The following SHANK1 variants were observed in gnomAD, a reference collection of about 807,000 sequenced individuals.
SHANK1 encodes SH3 and multiple ankyrin repeat domains protein 1.
SHANK1 carries 35 observed loss-of-function variants against 165.6 expected under a neutral mutation model. The ratio of observed to expected loss-of-function variants is 0.21; its 90% CI spans 0.16 to 0.28. The LOEUF (loss-of-function observed/expected upper bound fraction) is 0.28, where lower values mean the gene tolerates loss of function less well. Among genes scored for constraint, SHANK1 ranks in the 10% least tolerant of loss-of-function variants. The pLI is 1.00. For synonymous variants in SHANK1, 1,428 were observed against 1,384.8 expected (o/e 1.03, Z -0.69); for missense variants, 2,681 against 3,036.4 (o/e 0.88, Z 2.75).
In SHANK1 at chr19:50,662,729, G is replaced by A. The variant is rs1167331291; in HGVS notation, c.5769-47C>T. The A allele has an allele frequency of 3.3e-6, 5 of 1,507,032 alleles. No individual in the cohort carries two copies. Among genetic ancestry groups the A allele is most frequent in the East Asian group, 2.7e-5 (1 of 37,716 alleles). The allele number at this position is 1,507,032 out of a possible 1,614,324, so 93.4% of individuals were successfully genotyped here. A position where few individuals can be genotyped will look rare whatever the true frequency, so the allele number is the denominator to read the frequency against. ...GTGGGGGAGGACAGGGATTTAGGGG[G>A]CAAGGGCAGGGGTGAGAAAGAGGCA... On this transcript the variant is annotated intron_variant, in intron 23 of 23. Transcript: ENST00000293441. This position sits in a 1 kb window ranked among gnomAD's most constrained non-coding sequence, Gnocchi z 7.7.
In SHANK1 at chr19:50,686,174, G is replaced by T. The variant is rs534604138; in HGVS notation, c.2577+63C>A. The stretch of plus-strand genomic sequence containing the variant: ...TCAGGAGGGTTTTGGAAAGAGAAAG[G>T]CTCCAGGTTGGTGTGTGAACCGCCT... On this transcript the variant is annotated intron_variant, in intron 21 of 23. Transcript: ENST00000293441. This position sits in a 1 kb window ranked among gnomAD's most constrained non-coding sequence, Gnocchi z 5.7. 3.2e-6 allele frequency: 3 copies of T among 945,962 alleles called. No homozygotes were observed. The highest frequency in any genetic ancestry group is 4.8e-6 in the Non-Finnish European group (3 of 619,448). 58.6% of individuals were successfully genotyped at this position (945,962 alleles called of 1,614,324 possible). A position where few individuals can be genotyped will look rare whatever the true frequency, so the allele number is the denominator to read the frequency against.
chr19:50,715,289 G>A (rs926267304), intron 4 of SHANK1, among the ~76,000 whole-genome samples: 1 of 152,094 alleles, frequency 6.6e-6, no homozygotes, highest in Non-Finnish European at 1.5e-5. Flanking sequence ...ACTCTAGGCA[G>A]AAGGACCTTC....
intron 21 of SHANK1, among the ~76,000 whole-genome samples, chr19:50,677,587 T>C (rs373834730): frequency 8.4e-4 from 128 of 152,324 alleles, no homozygotes; most frequent in South Asian, 3.7e-3. Flanking sequence ...ACTGATTCAC[T>C]CTTATACCTT....
rs1462971313 is a variant in SHANK1 at position 50,670,219 on chromosome 19, G to A, written c.2675-934C>T. Among the ~76,000 whole-genome samples the A allele has an allele frequency of 6.6e-6, 1 of 152,122 alleles. No individual in the cohort carries two copies. The highest frequency in any genetic ancestry group is 2.4e-5 in the African/African-American group (1 of 41,420). ...CTCCCCACCACCGCAGCAAACAGCA[G>A]CTCTGTCCTTTCAGGTGCTAAGACT... On this transcript the variant is annotated intron_variant, in intron 22 of 23. Transcript: ENST00000293441. The surrounding 1 kb of genome is among the most constrained non-coding windows in gnomAD (Gnocchi z 4.1).
chr19:50,706,280 C>T (rs1025090905), intron 8 of SHANK1, among the ~76,000 whole-genome samples: 11 of 152,110 alleles, frequency 7.2e-5, no homozygotes, highest in African/African-American at 2.7e-4. Flanking sequence ...CTGCCAGGCC[C>T]AGAAGGAAGG....
chr19:50,698,410 CCT>C (rs1986807416), intron 12 of SHANK1, among the ~76,000 whole-genome samples: 3 of 152,140 alleles, frequency 2.0e-5, no homozygotes, highest in Admixed American at 1.3e-4. Context: ...TCCCCAGACC[CCT>C]GTCTCTGTCT....
At chr19:50,685,639 G>A (rs961320189) in intron 21 of SHANK1, among the ~76,000 whole-genome samples, 3 of 152,218 alleles carry the variant, frequency 2.0e-5, no homozygotes, top group South Asian at 2.1e-4. Flanking sequence ...CAGGAGAATC[G>A]CTTGAACCCG....
In SHANK1 at chr19:50,662,045, C is replaced by G; in HGVS notation, c.6406G>C (p.Asp2136His). 6.2e-7 allele frequency: 1 copy of G among 1,614,198 alleles called. No individual in the cohort carries two copies. The highest frequency in any genetic ancestry group is 8.5e-7 in the Non-Finnish European group (1 of 1,180,022). ...GSHLPALTKEDYVDLGVTRVG... is the reference protein window; with the variant it reads ...GSHLPALTKEHYVDLGVTRVG... ...CTGGTCACACCTAGATCGACGTAGT[C>G]CTCCTTGGTCAAGGCGGGCAGGTGG... The change falls in exon 24 of 24, where the codon GAC becomes CAC. Residue 2136 changes from aspartate (D) to histidine (H), a missense_variant. By Grantham distance (81) the Asp-to-His change is moderately conservative. Coordinates refer to ENST00000293441, the MANE Select transcript of SHANK1 (RefSeq NM_016148.5). The surrounding 1 kb of genome is among the most constrained non-coding windows in gnomAD (Gnocchi z 7.7).
In SHANK1 at chr19:50,670,036, A is replaced by T. The variant is rs754822789; in HGVS notation, c.2675-751T>A. Among the ~76,000 whole-genome samples the T allele has an allele frequency of 2.0e-5, 3 of 151,904 alleles. No homozygotes were observed. Among genetic ancestry groups the T allele is most frequent in the Non-Finnish European group, 4.4e-5 (3 of 67,980 alleles). ...CACTGCCTTTCTGCTGTCGACGCCC[A>T]CGTTTATGCCTGGGGCCCCATCCTC... On this transcript the variant is annotated intron_variant, in intron 22 of 23. Coordinates refer to ENST00000293441, the MANE Select transcript of SHANK1 (RefSeq NM_016148.5). The surrounding 1 kb of genome is among the most constrained non-coding windows in gnomAD (Gnocchi z 4.1).
At chr19:50,692,321 T>C (rs946072137) in intron 15 of SHANK1, among the ~76,000 whole-genome samples, 2 of 151,830 alleles carry the variant, frequency 1.3e-5, no homozygotes, top group Non-Finnish European at 2.9e-5. Context: ...ATTCAGTTAG[T>C]CCTCACAACA....
intron 8 of SHANK1, among the ~76,000 whole-genome samples, chr19:50,707,368 A>G (rs1049466466): frequency 1.3e-5 from 2 of 152,000 alleles, no homozygotes; most frequent in African/African-American, 4.8e-5. Context: ...ACTCTACCCC[A>G]GCGCCCTCTG....
In SHANK1 at chr19:50,666,596, C is replaced by A. The variant is rs763451119; in HGVS notation, c.5364G>T (p.Ser1788=). The A allele has an allele frequency of 6.2e-7, 1 of 1,601,200 alleles. No individual in the cohort carries two copies. The highest frequency in any genetic ancestry group is 1.7e-5 in the Admixed American group (1 of 58,858). ...DPVTPTSPTV[S]VTGAGTDGLL... ...GCCCATCGGTTCCAGCCCCTGTCAC[C>A]GAGACGGTGGGGCTGGTGGGGGTAA... Residue 1788 remains serine, a synonymous_variant, in exon 23 of 24, where the codon TCG becomes TCT. Transcript: ENST00000293441.
At chr19:50,683,492 C>G (rs2123121175) in intron 21 of SHANK1, among the ~76,000 whole-genome samples, 1 of 152,262 alleles carries the variant, frequency 6.6e-6, no homozygotes, top group East Asian at 1.9e-4. Flanking sequence ...TAACTCATGC[C>G]TGAATGAAGC....
rs1445418034 is a variant in SHANK1 at position 50,660,065 on chromosome 19, G to A, written c.*1900C>T. Among the ~76,000 whole-genome samples the A allele has an allele frequency of 6.6e-6, 1 of 151,332 alleles. No homozygotes were observed. Among genetic ancestry groups the A allele is most frequent in the African/African-American group, 2.4e-5 (1 of 41,154 alleles). On this transcript the variant is annotated 3_prime_UTR_variant, in exon 24 of 24. Coordinates refer to ENST00000293441, the MANE Select transcript of SHANK1 (RefSeq NM_016148.5). ...CCTCTCGGGGGTAGGGGGCAGCAGA[G>A]GGGGAATGGGCTTGGGGAAGGAGGG... is the stretch of plus-strand genomic sequence containing the variant.
At chr19:50,708,441 T>C (rs1318052137) in intron 8 of SHANK1, among the ~76,000 whole-genome samples, 1 of 152,114 alleles carries the variant, frequency 6.6e-6, no homozygotes, top group Non-Finnish European at 1.5e-5. Flanking sequence ...GTCGTAGCCA[T>C]GATTTGCTTA....
intron 8 of SHANK1, among the ~76,000 whole-genome samples, chr19:50,708,031 T>A (rs966102694): frequency 1.8e-4 from 27 of 151,826 alleles, no homozygotes; most frequent in Non-Finnish European, 7.4e-5. Context: ...CACTACAACC[T>A]CTGCTTCCTG....
chr19:50,676,158 T>TA (rs1985975101), intron 21 of SHANK1, among the ~76,000 whole-genome samples: 1 of 150,526 alleles, frequency 6.6e-6, no homozygotes, highest in Non-Finnish European at 1.5e-5. Flanking sequence ...TTTTAATTAG[T>TA]GGTGCATGGT....
chr19:50,674,657 C>A (rs1599845679), intron 21 of SHANK1, among the ~76,000 whole-genome samples: 1 of 152,130 alleles, frequency 6.6e-6, no homozygotes, highest in East Asian at 1.9e-4. Context: ...ACATTTCAGG[C>A]CAACGTGGTG....
intron 8 of SHANK1, among the ~76,000 whole-genome samples, chr19:50,710,708 C>T (rs1245179682): frequency 6.6e-6 from 1 of 152,208 alleles, no homozygotes; most frequent in East Asian, 1.9e-4. Flanking sequence ...TCAGGACCCC[C>T]AAGGTCCTGA....
Sources: gnomAD v4.1 joint callset for allele counts (sites outside exome capture counted in the v4.1 genomes callset) on GRCh38, gnomAD v4.1.1 for gene constraint, Gnocchi (gnomAD v3.1) non-coding constraint, MANE v1.5 for transcripts, NCBI Gene and HGNC (gene_info 2026-07-23, HGNC 2026-07-21) for gene names.